Variants in MDGA2 observed in about 807,000 individuals in gnomAD.
The protein encoded by MDGA2 is MAM domain containing glycosylphosphatidylinositol anchor 2.
Under a neutral mutation model 117.8 loss-of-function variants are expected in MDGA2, and 40 were observed. The ratio of observed to expected loss-of-function variants is 0.34; its 90% CI spans 0.26 to 0.44. MDGA2 has a LOEUF of 0.44. Among genes scored for constraint, MDGA2 ranks in the 20% least tolerant of loss-of-function variants. The pLI, the probability that MDGA2 is intolerant of heterozygous loss-of-function variation, is 1.00. For synonymous variants in MDGA2, 452 were observed against 439.0 expected (o/e 1.03, Z -0.37); for missense variants, 1,123 against 1,250.6 (o/e 0.90, Z 1.54).
chr14:47,463,918 T>C (rs531263157), intron 1 of MDGA2, among the ~76,000 whole-genome samples: 1 of 152,282 alleles, frequency 6.6e-6, no homozygotes, highest in South Asian at 2.1e-4. Flanking sequence ...ACTTTAAATA[T>C]AGTATTTTAC....
rs1329772219 is a variant in MDGA2 at position 47,376,645 on chromosome 14, T to C, written c.281-75095A>G. Among the ~76,000 whole-genome samples the C allele has an allele frequency of 2.0e-5, 3 of 152,184 alleles. No individual in the cohort carries two copies. In the East Asian group the frequency reaches 5.8e-4, roughly 29 times the overall value. ...CCCTTTGATTTTGAGTTATCGTTCT[T>C]ACTCTCCATTTTCCTGTCTTCTTTG... On this transcript the variant is annotated intron_variant, in intron 1 of 16. Transcript: ENST00000399232.
intron 1 of MDGA2, among the ~76,000 whole-genome samples, chr14:47,429,503 C>A (rs1892756821): frequency 6.6e-6 from 1 of 152,064 alleles, no homozygotes; most frequent in Non-Finnish European, 1.5e-5. Context: ...TCATAGCATT[C>A]TGTTCTGGGA....
chr14:47,266,485 C>T (rs1435203266), intron 2 of MDGA2, among the ~76,000 whole-genome samples: 1 of 152,148 alleles, frequency 6.6e-6, no homozygotes, highest in Non-Finnish European at 1.5e-5. Context: ...CTATTCCCTG[C>T]CTCCTCATGC....
intron 7 of MDGA2, among the ~76,000 whole-genome samples, chr14:47,043,875 T>G (rs940274890): frequency 2.0e-5 from 3 of 152,130 alleles, no homozygotes; most frequent in African/African-American, 7.2e-5. Flanking sequence ...CCAATTTAAG[T>G]TTCTTGTTCT....
intron 9 of MDGA2, among the ~76,000 whole-genome samples, chr14:46,931,262 C>T (rs1884564948): frequency 6.8e-6 from 1 of 146,190 alleles, no homozygotes; most frequent in Non-Finnish European, 1.5e-5. Flanking sequence ...TTGAGATAGT[C>T]TTTTGCAGCT....
At chr14:47,518,154 C>T (rs1894793593) in intron 1 of MDGA2, among the ~76,000 whole-genome samples, 1 of 152,064 alleles carries the variant, frequency 6.6e-6, no homozygotes, top group South Asian at 2.1e-4. Flanking sequence ...AATTCTTTCA[C>T]AGCAACTGAC....
chr14:47,595,330 T>A (rs1896517728), intron 1 of MDGA2, among the ~76,000 whole-genome samples: 1 of 150,828 alleles, frequency 6.6e-6, no homozygotes, highest in Non-Finnish European at 1.5e-5. Context: ...AGGTCAGGAG[T>A]TTGAGATCAG....
chr14:47,612,028 T>C (rs556367620), intron 1 of MDGA2, among the ~76,000 whole-genome samples: 2 of 152,260 alleles, frequency 1.3e-5, no homozygotes, highest in South Asian at 4.1e-4. Flanking sequence ...AAAAAATTAT[T>C]TGGGACTCAA....
Position 47,131,703 on chromosome 14 carries a change from T to C in MDGA2, c.925+11A>G. 1.3e-6 allele frequency: 2 copies of C among 1,492,472 alleles called. No homozygotes were observed. Among genetic ancestry groups the C allele is most frequent in the Non-Finnish European group, 1.8e-6 (2 of 1,101,984 alleles). 92.5% of individuals were successfully genotyped at this position (1,492,472 alleles called of 1,614,324 possible). ...ATAAGATACATGTAACATACAGAGA[T>C]AATTCCATACCTGTTTTATTGGACA... is the stretch of plus-strand genomic sequence containing the variant. On this transcript the variant is annotated intron_variant, in intron 5 of 16. Transcript: ENST00000399232.
chr14:47,061,745 G>C (rs1326679400), intron 6 of MDGA2, among the ~76,000 whole-genome samples, 167 bp from the exon 7 acceptor site: 2 of 151,750 alleles, frequency 1.3e-5, no homozygotes, highest in Admixed American at 1.3e-4. Context: ...CCTCATGCAG[G>C]TACCCAGAAA....
chr14:47,051,703 T>C (rs1269894153), intron 7 of MDGA2, among the ~76,000 whole-genome samples: 2 of 151,934 alleles, frequency 1.3e-5, no homozygotes, highest in African/African-American at 4.8e-5. Flanking sequence ...ATAACTGTTC[T>C]CTCTGTTGCT....
intron 8 of MDGA2, among the ~76,000 whole-genome samples, chr14:47,028,816 C>A (rs1888563893): frequency 6.6e-6 from 1 of 152,052 alleles, no homozygotes; most frequent in South Asian, 2.1e-4. Context: ...CTTGTTCAGG[C>A]TACTGAGCTG....
intron 1 of MDGA2, among the ~76,000 whole-genome samples, chr14:47,303,078 T>C (rs2139817370): frequency 6.6e-6 from 1 of 152,162 alleles, no homozygotes; most frequent in Middle Eastern, 3.4e-3. Context: ...ATACGCATAA[T>C]AAACACCCCT....
intron 1 of MDGA2, among the ~76,000 whole-genome samples, chr14:47,445,554 T>C (rs916185783): frequency 1.3e-5 from 2 of 152,166 alleles, no homozygotes; most frequent in Non-Finnish European, 2.9e-5. Context: ...TGAGTTCATG[T>C]TCGCCAACTT....
intron 2 of MDGA2, among the ~76,000 whole-genome samples, chr14:47,294,077 G>C (rs1490210649): frequency 1.4e-5 from 2 of 147,700 alleles, no homozygotes; most frequent in Admixed American, 1.3e-4. Context: ...GGCAGGGATT[G>C]TGAAAGCAGC....
intron 4 of MDGA2, among the ~76,000 whole-genome samples, chr14:47,138,508 A>G (rs958706206): frequency 6.6e-6 from 1 of 152,122 alleles, no homozygotes; most frequent in African/African-American, 2.4e-5. Flanking sequence ...CATTTCTTAA[A>G]CAATTACAAA....
chr14:47,309,536 T>G (rs1311922810), intron 1 of MDGA2, among the ~76,000 whole-genome samples: 1 of 152,084 alleles, frequency 6.6e-6, no homozygotes, highest in East Asian at 1.9e-4. Context: ...ACATGTTGGG[T>G]AGCATTGTTA....
At chr14:46,861,831 A>G (rs1453413289) in intron 14 of MDGA2, among the ~76,000 whole-genome samples, 1 of 151,972 alleles carries the variant, frequency 6.6e-6, no homozygotes, top group Non-Finnish European at 1.5e-5. Context: ...CTAGTTCTTA[A>G]GTTTATAAAA....
intron 6 of MDGA2, among the ~76,000 whole-genome samples, chr14:47,086,368 T>C (rs1049845497): frequency 1.3e-5 from 2 of 152,058 alleles, no homozygotes; most frequent in Admixed American, 1.3e-4. Context: ...TTAGAAATCA[T>C]TGGAAGCATT....
Sources: gnomAD v4.1 joint callset for allele counts (sites outside exome capture counted in the v4.1 genomes callset) on GRCh38, gnomAD v4.1.1 for gene constraint, MANE v1.5 for transcripts, NCBI Gene and HGNC (gene_info 2026-07-23, HGNC 2026-07-21) for gene names.